The following NEGR1 variants were observed in gnomAD, a reference collection of about 807,000 sequenced individuals.
NEGR1 encodes the protein IgLON family member 4.
Under a neutral mutation model 40.9 loss-of-function variants are expected in NEGR1, and 10 were observed. The observed-to-expected ratio is 0.24, with a 90% CI of 0.15 to 0.42. NEGR1 has a LOEUF of 0.42. Ranked by LOEUF, NEGR1 falls within the 10% of genes least tolerant of loss-of-function variation. NEGR1 has a pLI of 1.00. For synonymous variants in NEGR1, 185 were observed against 166.8 expected (o/e 1.11, Z -0.84); for missense variants, 352 against 438.9 (o/e 0.80, Z 1.77).
At chr1:72,125,427 C>G (rs995999746) in intron 1 of NEGR1, among the ~76,000 whole-genome samples, 3 of 151,314 alleles carry the variant, frequency 2.0e-5, no homozygotes, top group Non-Finnish European at 4.4e-5. Context: ...ACGCTATGTA[C>G]AAAGTTATAA....
At chr1:71,422,454 G>T (rs1187547537) in intron 6 of NEGR1, 1 of 152,192 alleles carries the variant, frequency 6.6e-6, no homozygotes, top group African/African-American at 2.4e-5. Context: ...GTTTTTGTGT[G>T]AGTGTTTTTC....
chr1:72,141,657 G>C (rs901553597), intron 1 of NEGR1, among the ~76,000 whole-genome samples: 2 of 151,994 alleles, frequency 1.3e-5, no homozygotes, highest in African/African-American at 4.8e-5. Flanking sequence ...GGATTTGATT[G>C]ATGGAATTCT....
intron 3 of NEGR1, among the ~76,000 whole-genome samples, chr1:71,768,441 A>T (rs1366931204): frequency 6.6e-6 from 1 of 151,782 alleles, no homozygotes; most frequent in Admixed American, 6.6e-5. Context: ...TATCCTTCCA[A>T]TTTTTTTTGT....
chr1:72,188,639 A>G (rs917792286), intron 1 of NEGR1, among the ~76,000 whole-genome samples: 14 of 151,470 alleles, frequency 9.2e-5, no homozygotes, highest in East Asian at 1.9e-4. Context: ...TAAATTGTAT[A>G]CTGTTTGCAA....
At chr1:71,940,352 G>A (rs1188403162) in intron 1 of NEGR1, among the ~76,000 whole-genome samples, 3 of 152,116 alleles carry the variant, frequency 2.0e-5, no homozygotes, top group African/African-American at 7.2e-5. Flanking sequence ...GCAAGGAGAT[G>A]AATAAAACAG....
rs867161459 is a variant in NEGR1 at position 71,500,293 on chromosome 1, C to T, written c.940+92524G>A. On this transcript the variant is annotated intron_variant, in intron 6 of 6. Coordinates refer to ENST00000357731, the MANE Select transcript of NEGR1 (RefSeq NM_173808.3). ...GCATCAGAATGAATAAAGCTATGTA[C>T]GGCCAAATTAATGACCTATAGAATC... 1.1e-4 allele frequency among the ~76,000 whole-genome samples: 17 copies of T among 151,718 alleles called. 1 individual carries two copies. The South Asian group carries it at 1.5e-3, about 13-fold the overall frequency.
At chr1:71,462,779 T>C (rs913105443) in intron 6 of NEGR1, among the ~76,000 whole-genome samples, 4 of 152,196 alleles carry the variant, frequency 2.6e-5, no homozygotes, top group African/African-American at 4.8e-5. Flanking sequence ...TTTCATTTAT[T>C]ATTGTGTTTC....
rs569110139 is a variant in NEGR1 at position 72,235,448 on chromosome 1, T to C, written c.176+46871A>G. Among the ~76,000 whole-genome samples, 4 of 152,134 alleles carry C rather than the reference T, an allele frequency of 2.6e-5. No individual in the cohort carries two copies. In the South Asian group the frequency reaches 6.2e-4, roughly 24 times the overall value. On this transcript the variant is annotated intron_variant, in intron 1 of 6. Coordinates refer to ENST00000357731, the MANE Select transcript of NEGR1 (RefSeq NM_173808.3). Reference sequence around the variant, plus strand: ...ATTTGCATTCTCAAATCCAGGTAAGTAGAATACAGGATGAACTTGAGGGTA... The same window carrying C: ...ATTTGCATTCTCAAATCCAGGTAAGCAGAATACAGGATGAACTTGAGGGTA...
intron 2 of NEGR1, among the ~76,000 whole-genome samples, chr1:71,897,052 C>T (rs1660994230): frequency 1.3e-5 from 2 of 152,142 alleles, no homozygotes. Context: ...ATAATCTGCA[C>T]TGATACAGAC....
In NEGR1 at chr1:72,093,329, C is replaced by CAAAAAAAAAAAAAAA. The variant is rs11370565; in HGVS notation, c.177-158019_177-158018insTTTTTTTTTTTTTTT. 1.5e-3 allele frequency among the ~76,000 whole-genome samples: 182 copies of CAAAAAAAAAAAAAAA among 118,586 alleles called. 8 individuals are homozygous for CAAAAAAAAAAAAAAA. The highest frequency in any genetic ancestry group is 4.7e-3 in the African/African-American group (117 of 24,670). 77.8% of individuals were successfully genotyped at this position (118,586 alleles called of 152,430 possible). A position where few individuals can be genotyped will look rare whatever the true frequency, so the allele number is the denominator to read the frequency against. ...CTGGTGCCAGAGCTAGACTCTGCCT[C>CAAAAAAAAAAAAAAA]AAAAAAAAAAAAAAGATGCTCAAAT... On this transcript the variant is annotated intron_variant, in intron 1 of 6. Transcript: ENST00000357731.
intron 2 of NEGR1, among the ~76,000 whole-genome samples, chr1:71,841,325 T>C (rs1040623940): frequency 1.1e-4 from 16 of 152,174 alleles, no homozygotes; most frequent in Non-Finnish European, 1.5e-4. Context: ...TGGGAAAATA[T>C]AGTTACTTGC....
chr1:71,908,150 T>C (rs1284539533), intron 2 of NEGR1, among the ~76,000 whole-genome samples: 1 of 145,304 alleles, frequency 6.9e-6, no homozygotes, highest in Non-Finnish European at 1.5e-5. Context: ...CTCATGAGTC[T>C]AAAATAAAAG....
chr1:72,124,612 G>A (rs894412487), intron 1 of NEGR1, among the ~76,000 whole-genome samples: 4 of 152,056 alleles, frequency 2.6e-5, no homozygotes, highest in Non-Finnish European at 5.9e-5. Flanking sequence ...TGGGATACCT[G>A]TATAAAGATA....
At chr1:72,074,557 C>G (rs1414247095) in intron 1 of NEGR1, among the ~76,000 whole-genome samples, 1 of 151,832 alleles carries the variant, frequency 6.6e-6, no homozygotes, top group Non-Finnish European at 1.5e-5. Flanking sequence ...CCTACTTCTA[C>G]GTCATTAAAA....
chr1:71,628,635 A>C (rs887627679), intron 4 of NEGR1, among the ~76,000 whole-genome samples: 3 of 150,912 alleles, frequency 2.0e-5, no homozygotes, highest in South Asian at 4.2e-4. Context: ...TCATTGTTCA[A>C]CTCCCACTTA....
chr1:71,707,205 C>T (rs1292026774), intron 3 of NEGR1, among the ~76,000 whole-genome samples: 2 of 152,130 alleles, frequency 1.3e-5, no homozygotes, highest in Non-Finnish European at 2.9e-5. Flanking sequence ...CTTGGGCTCT[C>T]TGATTCTAGG....
intron 4 of NEGR1, among the ~76,000 whole-genome samples, chr1:71,694,352 G>A (rs1279598642): frequency 2.6e-5 from 4 of 151,324 alleles, no homozygotes; most frequent in African/African-American, 9.7e-5. Flanking sequence ...AGAAATACAC[G>A]CATACACAAA....
intron 2 of NEGR1, among the ~76,000 whole-genome samples, chr1:71,907,829 G>T (rs1053880032): frequency 1.3e-5 from 2 of 152,068 alleles, no homozygotes; most frequent in Non-Finnish European, 2.9e-5. Context: ...GCCATGAAAA[G>T]AACAAAATCA....
intron 6 of NEGR1, among the ~76,000 whole-genome samples, chr1:71,548,528 G>C (rs1557562685): frequency 6.6e-6 from 1 of 151,708 alleles, no homozygotes; most frequent in Non-Finnish European, 1.5e-5. Flanking sequence ...TTTGACTTCA[G>C]CTTCTTGTCG....
Sources: allele counts gnomAD v4.1 joint callset (sites outside exome capture counted in the v4.1 genomes callset), GRCh38; gene constraint gnomAD v4.1.1; transcripts MANE v1.5; gene names NCBI Gene and HGNC (gene_info 2026-07-23, HGNC 2026-07-21).